The following MPHOSPH9 variants were observed in gnomAD, a reference collection of about 807,000 sequenced individuals.
The protein encoded by MPHOSPH9 is M-phase phosphoprotein 9.
Under a neutral mutation model 145.5 loss-of-function variants are expected in MPHOSPH9, and 88 were observed. The ratio of observed to expected loss-of-function variants is 0.60; its 90% CI spans 0.51 to 0.72. The LOEUF (loss-of-function observed/expected upper bound fraction) is 0.72, where lower values mean the gene tolerates loss of function less well. MPHOSPH9 is among the 30% of genes least tolerant of loss of function. The pLI is 0.00. For missense variants in MPHOSPH9, 1,238 were observed against 1,386.6 expected, an observed-to-expected ratio of 0.89 and a Z score of 1.70; for synonymous variants, 435 against 486.2, an observed-to-expected ratio of 0.89 and a Z score of 1.39.
intron 17 of MPHOSPH9, 32 bp from the exon 18 acceptor site, chr12:123,165,509 A>G: frequency 1.3e-6 from 2 of 1,576,144 alleles, no homozygotes; most frequent in Non-Finnish European, 1.7e-6. Context: ...ATACAGTGCT[A>G]TGGACTAAAT....
intron 1 of MPHOSPH9, among the ~76,000 whole-genome samples, chr12:123,232,616 TCA>T (rs1390159992): frequency 1.3e-5 from 2 of 151,998 alleles, no homozygotes; most frequent in African/African-American, 4.8e-5. Flanking sequence ...CATTCTGAGC[TCA>T]CAGTCAGCCC....
At chr12:123,184,126 A>T (rs1378956817) in intron 13 of MPHOSPH9, among the ~76,000 whole-genome samples, 1 of 151,646 alleles carries the variant, frequency 6.6e-6, no homozygotes, top group African/African-American at 2.4e-5. Context: ...AGATTCCTCG[A>T]GCCCAGGGGT....
chr12:123,164,112 CAAAACAA>C (rs752548831), intron 18 of MPHOSPH9, 22 bp from the exon 19 acceptor site: 5 of 1,612,342 alleles, frequency 3.1e-6, no homozygotes, highest in Non-Finnish European at 4.2e-6. Context: ...CAAAAAAAAG[CAAAACAA>C]AAAACAAATC....
chr12:123,230,839 T>C (rs2047609598), intron 1 of MPHOSPH9, among the ~76,000 whole-genome samples: 2 of 152,238 alleles, frequency 1.3e-5, no homozygotes, highest in African/African-American at 4.8e-5. Flanking sequence ...TATGATTTCA[T>C]TGATATGAAA....
At chr12:123,233,240 GC>G (rs1302941526), upstream of MPHOSPH9, 1 of 152,318 alleles carries the variant, frequency 6.6e-6, no homozygotes. Context: ...GTTCCCCCTC[GC>G]GCAGCTCCAA....
chr12:123,225,141 G>A (rs1287004426), intron 3 of MPHOSPH9, among the ~76,000 whole-genome samples: 1 of 152,096 alleles, frequency 6.6e-6, no homozygotes, highest in Non-Finnish European at 1.5e-5. Flanking sequence ...TTTGAAAGCT[G>A]TTATAAAAAC....
chr12:123,241,441 A>T (rs2047935781), intron 1 of MPHOSPH9, among the ~76,000 whole-genome samples: 1 of 151,910 alleles, frequency 6.6e-6, no homozygotes, highest in South Asian at 2.1e-4. Context: ...GGGTTCAAGC[A>T]ATTCTCCTGC....
chr12:123,157,873 T>C (rs1458797492), intron 23 of MPHOSPH9, among the ~76,000 whole-genome samples: 2 of 152,110 alleles, frequency 1.3e-5, no homozygotes, highest in Non-Finnish European at 2.9e-5. Flanking sequence ...AAAAGGATTA[T>C]AGAACACTTA....
At chr12:123,241,140 TG>T (rs371596592) in intron 1 of MPHOSPH9, among the ~76,000 whole-genome samples, 3 of 104,002 alleles carry the variant, frequency 2.9e-5, no homozygotes, top group African/African-American at 5.5e-5. Context: ...TATTTGGGGT[TG>T]TTTTTTTTTT....
chr12:123,195,861 G>A (rs2045921937), intron 12 of MPHOSPH9, among the ~76,000 whole-genome samples: 1 of 151,682 alleles, frequency 6.6e-6, no homozygotes, highest in Non-Finnish European at 1.5e-5. Flanking sequence ...GCGACATAGC[G>A]TGTCTCAACA....
chr12:123,187,034 A>C (rs1171418194), intron 13 of MPHOSPH9, among the ~76,000 whole-genome samples: 3 of 152,192 alleles, frequency 2.0e-5, no homozygotes, highest in East Asian at 3.9e-4. Flanking sequence ...TGAGGCGGGC[A>C]GATCACCTGA....
intron 23 of MPHOSPH9, among the ~76,000 whole-genome samples, chr12:123,158,656 C>A (rs1224704495): frequency 6.6e-6 from 1 of 151,186 alleles, no homozygotes; most frequent in Non-Finnish European, 1.5e-5. Flanking sequence ...TTTTGAGACA[C>A]AGTCTCACTC....
At chr12:123,164,574 T>C (rs1285354419) in intron 18 of MPHOSPH9, among the ~76,000 whole-genome samples, 1 of 152,206 alleles carries the variant, frequency 6.6e-6, no homozygotes, top group African/African-American at 2.4e-5. Context: ...AGATGCTCAG[T>C]AACCAAGAAA....
At chr12:123,158,133 G>A (rs954388199) in intron 23 of MPHOSPH9, among the ~76,000 whole-genome samples, 1 of 152,068 alleles carries the variant, frequency 6.6e-6, no homozygotes, top group African/African-American at 2.4e-5. Flanking sequence ...GGGATTACAG[G>A]TGCCCACCAC....
chr12:123,179,716 T>TAAAAAAAAA, intron 15 of MPHOSPH9, among the ~76,000 whole-genome samples: 1 of 128,784 alleles, frequency 7.8e-6, no homozygotes, highest in Non-Finnish European at 1.6e-5. Flanking sequence ...CCTGTCTCTT[T>TAAAAAAAAA]AAAAAAAAAA....
chr12:123,202,434 TG>T, intron 10 of MPHOSPH9, 115 bp from the exon 11 acceptor site: 2 of 1,250,934 alleles, frequency 1.6e-6, no homozygotes, highest in Non-Finnish European at 2.2e-6. Context: ...ATATTTCCTT[TG>T]CATACTACAA....
At chr12:123,218,243 C>CA (rs2138557643) in intron 6 of MPHOSPH9, 133 bp downstream of exon 6, 2 of 1,320,202 alleles carry the variant, frequency 1.5e-6, no homozygotes, top group African/African-American at 3.0e-5. Flanking sequence ...AAAAAAACAA[C>CA]AACAAAAAAA....
chr12:123,218,397 A>T lies in MPHOSPH9; in HGVS notation c.975T>A (p.Ser325Arg), dbSNP rs765295721. ...GSRSKQGNEQ[S>R]KKTPIEKSDF... The stretch of plus-strand genomic sequence containing the variant: ...CTACTTTCTCAATTGGTGTCTTCTT[A>T]CTTTGCTCATTTCCTTGTTTAGATC... Residue 325 changes from serine (S) to arginine (R), a missense_variant, in exon 6 of 24, where the codon AGT (serine) becomes AGA (arginine). Transcript: ENST00000606320. 8 of 1,613,920 alleles carry T rather than the reference A, an allele frequency of 5.0e-6. No homozygotes were observed. Among genetic ancestry groups the T allele is most frequent in the Non-Finnish European group, 6.8e-6 (8 of 1,179,934 alleles).
At chr12:123,219,549 T>C (rs2047112179) in intron 5 of MPHOSPH9, among the ~76,000 whole-genome samples, 1 of 127,314 alleles carries the variant, frequency 7.9e-6, no homozygotes. Context: ...CGAGACTCTG[T>C]CTCAAAAAAA....
Sources: gnomAD v4.1 joint callset for allele counts (sites outside exome capture counted in the v4.1 genomes callset) on GRCh38, gnomAD v4.1.1 for gene constraint, MANE v1.5 for transcripts, NCBI Gene and HGNC (gene_info 2026-07-23, HGNC 2026-07-21) for gene names.